NPAS3: variants seen among roughly 807,000 people sequenced by gnomAD.
The protein encoded by NPAS3 is neuronal PAS domain protein 3, also known as neuronal PAS domain-containing protein 3.
In NPAS3, 14 loss-of-function variants were observed where a neutral mutation model predicts 73.1. The ratio of observed to expected loss-of-function variants is 0.19; its 90% CI spans 0.13 to 0.30. The LOEUF (loss-of-function observed/expected upper bound fraction) is 0.30, where lower values mean the gene tolerates loss of function less well. Ranked by LOEUF, NPAS3 falls within the 10% of genes least tolerant of loss-of-function variation. The pLI is 1.00. For missense variants in NPAS3, 1,096 were observed against 1,250.0 expected, an observed-to-expected ratio of 0.88 and a Z score of 1.86; for synonymous variants, 620 against 541.5, an observed-to-expected ratio of 1.14 and a Z score of -2.01.
chr14:33,588,126 C>T lies in NPAS3; in HGVS notation c.558+27916C>T, dbSNP rs555317570. On this transcript the variant is annotated intron_variant, in intron 5 of 11. Coordinates refer to ENST00000356141, the Ensembl canonical transcript of NPAS3. ...TTGGGGAATGCAAAAATATAAGGCA[C>T]GTTTTTCTAATTATGAAGCCGCCGT... is the stretch of plus-strand genomic sequence containing the variant. Among the ~76,000 whole-genome samples, 8 of 152,248 alleles carry T rather than the reference C, an allele frequency of 5.3e-5. No homozygotes were observed. In the South Asian group the frequency reaches 1.7e-3, roughly 32 times the overall value.
chr14:33,384,002 G>A (rs528779906), intron 4 of NPAS3, among the ~76,000 whole-genome samples: 338 of 152,156 alleles, frequency 2.2e-3, no homozygotes, highest in African/African-American at 7.8e-3. Flanking sequence ...TTTGAAATCC[G>A]CATGATATTC....
intron 7 of NPAS3, among the ~76,000 whole-genome samples, chr14:33,752,234 T>C (rs1440639376): frequency 6.6e-6 from 1 of 152,206 alleles, no homozygotes; most frequent in Non-Finnish European, 1.5e-5. Flanking sequence ...TTCAGCTGCT[T>C]CATTTTATTT....
chr14:33,665,804 T>G (rs754016132), intron 5 of NPAS3, among the ~76,000 whole-genome samples: 1 of 152,116 alleles, frequency 6.6e-6, no homozygotes, highest in Non-Finnish European at 1.5e-5. Context: ...TGTCTCTAAT[T>G]AATTAATTAA....
Position 33,388,989 on chromosome 14 carries a change from C to T in NPAS3, c.468+21721C>T, listed in dbSNP as rs766429173. Reference sequence around the variant, plus strand: ...TATTAACATGTTGTTCCCTTCTCACCTTTGTGGCGTGCACTACCTCTAGGT... The same window carrying T: ...TATTAACATGTTGTTCCCTTCTCACTTTTGTGGCGTGCACTACCTCTAGGT... On this transcript the variant is annotated intron_variant, in intron 4 of 11. Coordinates refer to ENST00000356141, the Ensembl canonical transcript of NPAS3. 4.2e-4 allele frequency among the ~76,000 whole-genome samples: 62 copies of T among 149,372 alleles called. 1 individual carries two copies. Among genetic ancestry groups the T allele is most frequent in the Non-Finnish European group, 1.9e-4 (13 of 68,002 alleles).
At chr14:33,415,033 T>C (rs1036530542) in intron 4 of NPAS3, among the ~76,000 whole-genome samples, 1 of 152,064 alleles carries the variant, frequency 6.6e-6, no homozygotes, top group Non-Finnish European at 1.5e-5. Flanking sequence ...ACACCCACAT[T>C]TCATCACAAA....
intron 1 of NPAS3, among the ~76,000 whole-genome samples, chr14:33,004,645 A>G (rs1467556868): frequency 6.6e-6 from 1 of 152,090 alleles, no homozygotes; most frequent in Admixed American, 6.5e-5. Context: ...TTTTTCTTCA[A>G]TAATAACCTT....
chr14:33,284,973 G>A (rs1203280065), intron 3 of NPAS3, among the ~76,000 whole-genome samples: 1 of 152,162 alleles, frequency 6.6e-6, no homozygotes, highest in African/African-American at 2.4e-5. Context: ...CTATGCTAGT[G>A]TGCACTTTGG....
intron 4 of NPAS3, among the ~76,000 whole-genome samples, chr14:33,484,041 A>T (rs1185623010): frequency 6.6e-6 from 1 of 152,238 alleles, no homozygotes. Context: ...CTAGGAGTAC[A>T]GCAGTGAACA....
chr14:33,642,119 A>G (rs1398544098), intron 5 of NPAS3, among the ~76,000 whole-genome samples: 2 of 152,212 alleles, frequency 1.3e-5, no homozygotes, highest in African/African-American at 4.8e-5. Flanking sequence ...GGAACTCATC[A>G]AAACAGAGGG....
At chr14:33,210,254 C>T (rs912592057) in intron 2 of NPAS3, among the ~76,000 whole-genome samples, 2 of 152,146 alleles carry the variant, frequency 1.3e-5, no homozygotes, top group African/African-American at 2.4e-5. Context: ...GGACAAGTGG[C>T]CCAGTAAACA....
chr14:33,636,565 T>A (rs895210512), intron 5 of NPAS3, among the ~76,000 whole-genome samples: 14 of 152,200 alleles, frequency 9.2e-5, no homozygotes, highest in African/African-American at 3.4e-4. Context: ...TTACGTGGTA[T>A]GTGGCAGCAT....
intron 4 of NPAS3, among the ~76,000 whole-genome samples, chr14:33,485,839 A>AC (rs1202822377): frequency 2.4e-3 from 352 of 148,888 alleles, no homozygotes; most frequent in Non-Finnish European, 3.5e-3. Context: ...TTGAATTTGC[A>AC]TTTTTTTTTT....
chr14:33,692,661 A>G (rs1182577124), intron 6 of NPAS3, among the ~76,000 whole-genome samples: 1 of 152,114 alleles, frequency 6.6e-6, no homozygotes, highest in Non-Finnish European at 1.5e-5. Flanking sequence ...TTCCAAAGAT[A>G]TATGAAATCA....
At chr14:33,470,858 G>A (rs1235259782) in intron 4 of NPAS3, among the ~76,000 whole-genome samples, 1 of 151,308 alleles carries the variant, frequency 6.6e-6, no homozygotes, top group Admixed American at 6.6e-5. Flanking sequence ...TATTTACTGA[G>A]CATCCGGCCT....
At chr14:33,578,917 A>C (rs2056554792) in intron 5 of NPAS3, among the ~76,000 whole-genome samples, 1 of 152,256 alleles carries the variant, frequency 6.6e-6, no homozygotes, top group Non-Finnish European at 1.5e-5. Context: ...TGTTATCAGC[A>C]TCTACATAGC....
At chr14:32,937,551 C>T (rs1282839441), upstream of NPAS3, among the ~76,000 whole-genome samples, 1 of 152,124 alleles carries the variant, frequency 6.6e-6, no homozygotes, top group Non-Finnish European at 1.5e-5. Flanking sequence ...TTCTCTCCTA[C>T]CTGTAGAGTG....
intron 3 of NPAS3, among the ~76,000 whole-genome samples, chr14:33,326,731 T>C (rs1353238064): frequency 6.6e-6 from 1 of 152,152 alleles, no homozygotes; most frequent in Non-Finnish European, 1.5e-5. Context: ...ACGTGGGCAA[T>C]GGGAAATATG....
At chr14:32,940,092 C>T (rs2035924811) in intron 1 of NPAS3, among the ~76,000 whole-genome samples, 1 of 152,226 alleles carries the variant, frequency 6.6e-6, no homozygotes, top group Non-Finnish European at 1.5e-5. Context: ...AGAAGAAAAC[C>T]CTCAAATCCA....
At chr14:33,621,787 A>T (rs1201988620) in intron 5 of NPAS3, among the ~76,000 whole-genome samples, 3 of 152,186 alleles carry the variant, frequency 2.0e-5, no homozygotes, top group Non-Finnish European at 1.5e-5. Context: ...AAAAAACATA[A>T]GTAAAGGCGA....
Sources: allele counts gnomAD v4.1 joint callset (sites outside exome capture counted in the v4.1 genomes callset), GRCh38; gene constraint gnomAD v4.1.1; transcripts MANE v1.5; gene names NCBI Gene and HGNC (gene_info 2026-07-23, HGNC 2026-07-21).